Variants in TIGAR observed in about 807,000 individuals in gnomAD.
TIGAR encodes the protein TP53 induced glycolysis regulatory phosphatase.
TIGAR carries 7 observed loss-of-function variants against 17.9 expected under a neutral mutation model. That is an observed-to-expected ratio of 0.39 (90% CI 0.22 to 0.73). TIGAR has a LOEUF of 0.73. Among genes scored for constraint, TIGAR ranks in the 30% least tolerant of loss-of-function variants. The pLI is 0.42. For synonymous variants in TIGAR, 94 were observed against 108.6 expected (o/e 0.87, Z 0.84); for missense variants, 258 against 327.4 (o/e 0.79, Z 1.64).
chr12:4,336,221 A>G (rs80318173), intron 2 of TIGAR, among the ~76,000 whole-genome samples: 1,637 of 152,300 alleles, frequency 0.011, 16 homozygotes, highest in Non-Finnish European at 0.015. Context: ...CTGAGGCTGC[A>G]TTAAGTCTCC....
intron 3 of TIGAR, among the ~76,000 whole-genome samples, 193 bp downstream of exon 3, chr12:4,337,353 A>T (rs1345875931): frequency 6.6e-6 from 1 of 152,016 alleles, no homozygotes; most frequent in East Asian, 1.9e-4. Flanking sequence ...TTTAGTAGAG[A>T]TGGGGTTTTG....
rs573660557 is a variant in TIGAR at position 4,324,251 on chromosome 12, T to G, written c.32+2948T>G. The G allele has an allele frequency of 5.3e-4, 327 of 620,906 alleles. 2 individuals carry two copies. The Admixed American group carries it at 8.7e-3, about 16-fold the overall frequency. 38.5% of individuals were successfully genotyped at this position (620,906 alleles called of 1,614,324 possible). ...ATTACCATCACCTATCCAGCACTAC[T>G]GAAGGGTCTGGTTCCTTGGAATGTT... On this transcript the variant is annotated intron_variant, in intron 1 of 5. Transcript: ENST00000179259.
intron 2 of TIGAR, among the ~76,000 whole-genome samples, chr12:4,336,802 A>G (rs1299714761): frequency 1.3e-5 from 2 of 152,206 alleles, no homozygotes; most frequent in African/African-American, 4.8e-5. Flanking sequence ...CTATCTCATC[A>G]TCACCTAATT....
At chr12:4,324,783 G>A (rs962014080) in intron 1 of TIGAR, 32 of 651,250 alleles carry the variant, frequency 4.9e-5, no homozygotes, top group Admixed American at 2.3e-4. Flanking sequence ...TTTGCGGAAG[G>A]TCCGCTTCTT....
Position 4,325,857 on chromosome 12 carries a change from G to A in TIGAR, c.32+4554G>A, listed in dbSNP as rs116903452. ...AAGGAATTAGGACTAAGCTGTATTCGTGATATCAGGTGAGGGTTTACATTT... is the reference window on the plus strand; with the variant it reads ...AAGGAATTAGGACTAAGCTGTATTCATGATATCAGGTGAGGGTTTACATTT... On this transcript the variant is annotated intron_variant, in intron 1 of 5. Transcript: ENST00000179259. Among the ~76,000 whole-genome samples, 97 of 151,932 alleles carry A rather than the reference G, an allele frequency of 6.4e-4. No homozygotes were observed. The East Asian group carries it at 0.016, about 25-fold the overall frequency.
chr12:4,330,138 C>G (rs1028102731), intron 1 of TIGAR, among the ~76,000 whole-genome samples: 4 of 152,126 alleles, frequency 2.6e-5, no homozygotes, highest in African/African-American at 9.7e-5. Flanking sequence ...GTTTGTGATT[C>G]TGACTTCCAG....
chr12:4,338,133 A>T (rs75783948), intron 3 of TIGAR, among the ~76,000 whole-genome samples: 4 of 65,294 alleles, frequency 6.1e-5, no homozygotes, highest in Admixed American at 1.8e-4. Context: ...TCTCGAAAAT[A>T]AAAAAAAAGT....
chr12:4,327,958 G>A (rs987014690), intron 1 of TIGAR, among the ~76,000 whole-genome samples: 1 of 151,054 alleles, frequency 6.6e-6, no homozygotes, highest in Non-Finnish European at 1.5e-5. Context: ...GAGCCACCGC[G>A]CCCAGCCGAG....
At chr12:4,350,902 G>A (rs1591666090) in intron 4 of TIGAR, among the ~76,000 whole-genome samples, 3 of 152,178 alleles carry the variant, frequency 2.0e-5, no homozygotes, top group Admixed American at 6.5e-5. Context: ...GGGATCAAAT[G>A]GTGTAGTATG....
In TIGAR at chr12:4,321,253, G is replaced by T. The variant is rs775806763; in HGVS notation, c.-19G>T. ...GGCAGCGCGGCGCGGGGCCACCGACGGGACGCGGCTCCGGGAACATGGCTC... is the reference window on the plus strand; with the variant it reads ...GGCAGCGCGGCGCGGGGCCACCGACTGGACGCGGCTCCGGGAACATGGCTC... On this transcript the variant is annotated 5_prime_UTR_variant, in exon 1 of 6. Transcript: ENST00000179259. The surrounding 1 kb of genome is among the most constrained non-coding windows in gnomAD (Gnocchi z 5.2). The T allele has an allele frequency of 1.2e-6, 2 of 1,600,444 alleles. No homozygotes were observed. The highest frequency in any genetic ancestry group is 1.7e-6 in the Non-Finnish European group (2 of 1,179,774).
chr12:4,345,845 T>G (rs1374552681), intron 3 of TIGAR, among the ~76,000 whole-genome samples: 1 of 152,136 alleles, frequency 6.6e-6, no homozygotes, highest in East Asian at 1.9e-4. Context: ...GGAGAAAATT[T>G]TTCCAATCTA....
chr12:4,343,772 AAGC>A (rs1439803797), intron 3 of TIGAR, among the ~76,000 whole-genome samples: 3 of 152,234 alleles, frequency 2.0e-5, no homozygotes, highest in African/African-American at 4.8e-5. Flanking sequence ...TCACAGGAGA[AAGC>A]AGGAAAGATC....
Position 4,354,598 on chromosome 12 carries a change from T to C in TIGAR, c.*1907T>C, listed in dbSNP as rs573846642. The C allele has an allele frequency of 7.2e-5, 11 of 152,300 alleles. No homozygotes were observed. Among genetic ancestry groups the C allele is most frequent in the East Asian group, 1.9e-4 (1 of 5,186 alleles). The allele number at this position is 152,300 out of a possible 1,614,324, so 9.4% of individuals were successfully genotyped here. ...CATCTGTGTTCTTTATTTTTACTTA[T>C]GTCTTGGAGGCATCTCTGTGTTGAT... On this transcript the variant is annotated 3_prime_UTR_variant, in exon 6 of 6. Transcript: ENST00000179259.
chr12:4,352,578 G>A lies in TIGAR; in HGVS notation c.700G>A (p.Gly234Arg), dbSNP rs776544545. The A allele has an allele frequency of 6.2e-7, 1 of 1,613,666 alleles. No individual in the cohort carries two copies. The highest frequency in any genetic ancestry group is 1.1e-5 in the South Asian group (1 of 91,082). The change falls in exon 6 of 6, where the codon GGG becomes AGG. Residue 234 changes from glycine to arginine, a missense_variant. Transcript: ENST00000179259. ...SELMSVTPNT[G>R]MSLFIINFEE... ...ACTTATGTCAGTCACTCCCAATACA[G>A]GGATGAGTCTCTTTATCATAAACTT... is the stretch of plus-strand genomic sequence containing the variant.
In TIGAR at chr12:4,321,255, G is replaced by T; in HGVS notation, c.-17G>T. On this transcript the variant is annotated 5_prime_UTR_variant, in exon 1 of 6. Coordinates refer to ENST00000179259, the MANE Select transcript of TIGAR (RefSeq NM_020375.3). This position sits in a 1 kb window ranked among gnomAD's most constrained non-coding sequence, Gnocchi z 5.2. ...CAGCGCGGCGCGGGGCCACCGACGG[G>T]ACGCGGCTCCGGGAACATGGCTCGC... 6.2e-7 allele frequency: 1 copy of T among 1,600,658 alleles called. No homozygotes were observed. Among genetic ancestry groups the T allele is most frequent in the Non-Finnish European group, 8.5e-7 (1 of 1,179,778 alleles).
chr12:4,350,738 C>A (rs555120036), intron 4 of TIGAR, among the ~76,000 whole-genome samples: 55 of 149,154 alleles, frequency 3.7e-4, no homozygotes, highest in African/African-American at 1.3e-3. Flanking sequence ...GATCGCGCCA[C>A]GGCACCCCAG....
chr12:4,329,144 A>AT (rs1469123479), intron 1 of TIGAR, among the ~76,000 whole-genome samples: 1 of 152,066 alleles, frequency 6.6e-6, no homozygotes, highest in Non-Finnish European at 1.5e-5. Context: ...TGAGCATTCC[A>AT]TATCTTTACA....
rs1864946221 is a variant in TIGAR at position 4,359,105 on chromosome 12, C to CT, written c.*6415dup. Among the ~76,000 whole-genome samples, 2 of 13,110 alleles carry CT rather than the reference C, an allele frequency of 1.5e-4. No individual in the cohort carries two copies. Among genetic ancestry groups the CT allele is most frequent in the Admixed American group, 1.2e-3 (1 of 806 alleles). The allele number at this position is 13,110 out of a possible 152,430, so 8.6% of individuals were successfully genotyped here. ...AGCCTTTATTGTTTATTTTCTGACT[C>CT]TGTTTTTTTTTTCTTTAGCCAACTC... is the stretch of plus-strand genomic sequence containing the variant. On this transcript the variant is annotated 3_prime_UTR_variant, in exon 6 of 6. Transcript: ENST00000179259.
chr12:4,331,546 TTATG>T (rs752205590), intron 2 of TIGAR, among the ~76,000 whole-genome samples: 28 of 152,210 alleles, frequency 1.8e-4, no homozygotes, highest in Non-Finnish European at 3.8e-4. Context: ...AAGTTATTCT[TTATG>T]TATGGCTTCA....
Sources: gnomAD v4.1 joint callset for allele counts (sites outside exome capture counted in the v4.1 genomes callset) on GRCh38, gnomAD v4.1.1 for gene constraint, Gnocchi (gnomAD v3.1) non-coding constraint, MANE v1.5 for transcripts, NCBI Gene and HGNC (gene_info 2026-07-23, HGNC 2026-07-21) for gene names.